Variants in TOR1AIP1 observed in about 807,000 individuals in gnomAD.
The protein encoded by TOR1AIP1 is torsin 1A interacting protein 1.
TOR1AIP1 carries 54 observed loss-of-function variants against 63.3 expected under a neutral mutation model. That is an observed-to-expected ratio of 0.85 (90% confidence interval 0.69 to 1.07). The LOEUF (loss-of-function observed/expected upper bound fraction) is 1.07. Among genes scored for constraint, TOR1AIP1 ranks in the 50% least tolerant of loss-of-function variants. The probability of loss-of-function intolerance (pLI) is 0.00; values close to 1 mark genes in which losing one functional copy is unlikely to be tolerated. For synonymous variants in TOR1AIP1, 294 were observed against 273.5 expected (o/e 1.07, Z -0.74); for missense variants, 736 against 715.0 (o/e 1.03, Z -0.33).
At chr1:179,911,386 A>T (rs755729034) in intron 8 of TOR1AIP1, among the ~76,000 whole-genome samples, 2 of 152,214 alleles carry the variant, frequency 1.3e-5, no homozygotes, top group Non-Finnish European at 2.9e-5. Flanking sequence ...GTGTTCAAGA[A>T]CCTTAGGCTA....
At chr1:179,908,707 T>G (rs772715907) in intron 8 of TOR1AIP1, 34 bp downstream of exon 8, 8 of 1,559,138 alleles carry the variant, frequency 5.1e-6, no homozygotes, top group South Asian at 1.1e-5. Context: ...TGAAATAATC[T>G]TGTGTATTTG....
At chr1:179,897,723 T>C (rs2148475534) in intron 3 of TOR1AIP1, among the ~76,000 whole-genome samples, 1 of 152,278 alleles carries the variant, frequency 6.6e-6, no homozygotes, top group Middle Eastern at 3.4e-3. Flanking sequence ...GCCTACTGTA[T>C]TACATGAATT....
At chr1:179,897,700 G>A (rs1226434060) in intron 3 of TOR1AIP1, among the ~76,000 whole-genome samples, 5 of 152,014 alleles carry the variant, frequency 3.3e-5, no homozygotes, top group African/African-American at 4.8e-5. Flanking sequence ...AATATAAATG[G>A]GACCTTAGTA....
At chr1:179,889,809 C>T (rs139275197) in intron 3 of TOR1AIP1, among the ~76,000 whole-genome samples, 8 of 152,226 alleles carry the variant, frequency 5.3e-5, no homozygotes, top group East Asian at 3.9e-4. Flanking sequence ...TCCACCACCA[C>T]GCCTGGCTGA....
At chr1:179,908,529 A>C in intron 7 of TOR1AIP1, 76 bp from the exon 8 acceptor site, 1 of 1,191,718 alleles carries the variant, frequency 8.4e-7, no homozygotes, top group Admixed American at 2.3e-5. Flanking sequence ...CTGATAGATT[A>C]ATTTTATAAC....
At chr1:179,911,372 C>G (rs1648825819) in intron 8 of TOR1AIP1, among the ~76,000 whole-genome samples, 1 of 152,162 alleles carries the variant, frequency 6.6e-6, no homozygotes, top group Non-Finnish European at 1.5e-5. Context: ...ATTTTTAGAG[C>G]TGAGTGTTCA....
intron 5 of TOR1AIP1, among the ~76,000 whole-genome samples, chr1:179,902,410 C>G (rs1648497476): frequency 6.6e-6 from 1 of 151,692 alleles, no homozygotes; most frequent in African/African-American, 2.4e-5. Context: ...TTTTTTGAGA[C>G]AGGATCTCTC....
Position 179,918,622 on chromosome 1 carries a change from A to G in TOR1AIP1, c.*383A>G, listed in dbSNP as rs1244739687. ...CACTAAGTTTCCTGAGTTATTAGTA[A>G]GATTGCTCCCTAAATGTAACCAGGG... On this transcript the variant is annotated 3_prime_UTR_variant, in exon 10 of 10. Coordinates refer to ENST00000606911, the MANE Select transcript of TOR1AIP1 (RefSeq NM_015602.4). 1.1e-5 allele frequency: 2 copies of G among 174,500 alleles called. No individual in the cohort carries two copies. Among genetic ancestry groups the G allele is most frequent in the Non-Finnish European group, 1.2e-5 (1 of 81,878 alleles). 10.8% of individuals were successfully genotyped at this position (174,500 alleles called of 1,614,324 possible).
At chr1:179,914,102 A>G (rs1289879889) in intron 9 of TOR1AIP1, 48 bp downstream of exon 9, 4 of 1,533,668 alleles carry the variant, frequency 2.6e-6, no homozygotes, top group South Asian at 2.3e-5. Context: ...TAAAATTGGT[A>G]TTCCATAATT....
rs992945279 is a variant in TOR1AIP1 at position 179,919,903 on chromosome 1, C to T, written c.*1664C>T. On this transcript the variant is annotated 3_prime_UTR_variant, in exon 10 of 10. Transcript: ENST00000606911. ...TTTGAAAAGGCTTATTTTATACATACGTATTATATAGAGAAACAAATGTTT... is the reference window on the plus strand; with the variant it reads ...TTTGAAAAGGCTTATTTTATACATATGTATTATATAGAGAAACAAATGTTT... 4 of 152,038 alleles carry T rather than the reference C, an allele frequency of 2.6e-5. No individual in the cohort carries two copies. Among genetic ancestry groups the T allele is most frequent in the African/African-American group, 4.8e-5 (2 of 41,388 alleles). The allele number at this position is 152,038 out of a possible 1,614,324, so 9.4% of individuals were successfully genotyped here.
Position 179,907,851 on chromosome 1 carries a change from A to T in TOR1AIP1, c.825A>T (p.Gln275His), listed in dbSNP as rs760875856. 1.3e-6 allele frequency: 2 copies of T among 1,592,142 alleles called. No homozygotes were observed. ...AAAACTTCACAGCTCATGATAAGCA[A>T]CCTTCAGTGCTAAGTAAGTAGTTGG... ...QSQNFTAHDK[Q>H]PSVLSSGYQK... Residue 275 changes from glutamine to histidine, a missense_variant, in exon 7 of 10, where the codon CAA (glutamine) becomes CAT (histidine). Around this residue, in one of 2 missense-constraint regions of TOR1AIP1, gnomAD observed 464 missense variants for 371.0 expected, o/e 1.25. Coordinates refer to ENST00000606911, the MANE Select transcript of TOR1AIP1 (RefSeq NM_015602.4).
chr1:179,889,483 A>G (rs924452126), intron 3 of TOR1AIP1, 114 bp downstream of exon 3: 6 of 837,736 alleles, frequency 7.2e-6, no homozygotes, highest in African/African-American at 5.2e-5. Flanking sequence ...GTAAATATAC[A>G]TTAAAAAATC....
intron 3 of TOR1AIP1, among the ~76,000 whole-genome samples, chr1:179,893,025 G>T (rs1303209695): frequency 6.6e-6 from 1 of 152,110 alleles, no homozygotes; most frequent in African/African-American, 2.4e-5. Flanking sequence ...TGGATCACCT[G>T]AGGTCAGGAG....
At position 179,903,793 on chromosome 1, in the gene TOR1AIP1, G is replaced by A. The variant is rs556074499; in HGVS notation, c.740-173G>A. 2.6e-5 allele frequency among the ~76,000 whole-genome samples: 4 copies of A among 152,328 alleles called. No homozygotes were observed. In the East Asian group the frequency reaches 7.7e-4, roughly 29 times the overall value. On this transcript the variant is annotated intron_variant, in intron 5 of 9. Coordinates refer to ENST00000606911, the MANE Select transcript of TOR1AIP1 (RefSeq NM_015602.4). ...CAATGTGCTGGGATTATAGGCAAGAGCCACTGCACCCAGCCTAGAAATTTT... is the reference window on the plus strand; with the variant it reads ...CAATGTGCTGGGATTATAGGCAAGAACCACTGCACCCAGCCTAGAAATTTT...
intron 1 of TOR1AIP1, 83 bp downstream of exon 1, chr1:179,883,060 C>A: frequency 1.6e-6 from 2 of 1,243,446 alleles, no homozygotes; most frequent in East Asian, 2.5e-5. Context: ...AGCTCATGCC[C>A]GCCTGGGTAC....
At chr1:179,884,404 A>G (rs1013958288) in intron 1 of TOR1AIP1, among the ~76,000 whole-genome samples, 5 of 152,114 alleles carry the variant, frequency 3.3e-5, no homozygotes, top group African/African-American at 7.2e-5. Context: ...GCTTTCTTCC[A>G]CATCATTTGT....
At chr1:179,901,005 T>G (rs1648437914) in intron 4 of TOR1AIP1, among the ~76,000 whole-genome samples, 1 of 152,190 alleles carries the variant, frequency 6.6e-6, no homozygotes, top group East Asian at 1.9e-4. Context: ...TTTCCACTGT[T>G]TAACGCTCAT....
intron 3 of TOR1AIP1, among the ~76,000 whole-genome samples, chr1:179,891,591 GCTCTT>G (rs1240416111): frequency 7.3e-5 from 11 of 150,050 alleles, no homozygotes; most frequent in African/African-American, 2.7e-4. Flanking sequence ...CTCGAGACAG[GCTCTT>G]GCTCTATCAC....
chr1:179,883,153 G>C (rs1477954761), intron 1 of TOR1AIP1, 176 bp downstream of exon 1: 3 of 655,012 alleles, frequency 4.6e-6, no homozygotes. Flanking sequence ...GACCCGCAGC[G>C]GGGAAGGAAG....
Sources: gnomAD v4.1 joint callset for allele counts (sites outside exome capture counted in the v4.1 genomes callset) on GRCh38, gnomAD v4.1.1 for gene constraint, gnomAD v4.1.1 regional missense constraint, MANE v1.5 for transcripts, NCBI Gene and HGNC (gene_info 2026-07-23, HGNC 2026-07-21) for gene names.